Variants in ITPR1 observed in about 807,000 individuals in gnomAD.
The protein encoded by ITPR1 is inositol 1,4,5-trisphosphate-gated calcium channel ITPR1.
Under a neutral mutation model 318.4 loss-of-function variants are expected in ITPR1, and 96 were observed. The observed-to-expected ratio is 0.30, with a 90% confidence interval of 0.26 to 0.36. The LOEUF is 0.36. Among genes scored for constraint, ITPR1 ranks in the 10% least tolerant of loss-of-function variants. The probability of loss-of-function intolerance (pLI) is 1.00; values close to 1 mark genes in which losing one functional copy is unlikely to be tolerated. For synonymous variants in ITPR1, 1,312 were observed against 1,289.9 expected (o/e 1.02, Z -0.37); for missense variants, 2,440 against 3,460.2 (o/e 0.71, Z 7.40).
chr3:4,745,443 C>A (rs1447241788), intron 44 of ITPR1, among the ~76,000 whole-genome samples: 1 of 152,212 alleles, frequency 6.6e-6, no homozygotes, highest in Non-Finnish European at 1.5e-5. Context: ...CTCTGACCGT[C>A]CTACCCCAAA....
intron 59 of ITPR1, among the ~76,000 whole-genome samples, chr3:4,816,680 C>T (rs556202778): frequency 3.3e-5 from 5 of 152,336 alleles, no homozygotes; most frequent in East Asian, 1.9e-4. Flanking sequence ...TGAGCCACTG[C>T]GCCCAGCCGT....
At chr3:4,512,964 C>A (rs539882582) in intron 2 of ITPR1, among the ~76,000 whole-genome samples, 1 of 151,096 alleles carries the variant, frequency 6.6e-6, no homozygotes, top group African/African-American at 2.4e-5. Context: ...GCCGAGCCCT[C>A]GGTGTCTGTA....
rs142778396 is a variant in ITPR1, at chr3:4,804,862, C to T, written c.7108-1241C>T. 2.0e-3 allele frequency among the ~76,000 whole-genome samples: 311 copies of T among 152,206 alleles called. 3 individuals are homozygous for T. The highest frequency in any genetic ancestry group is 7.1e-3 in the African/African-American group (295 of 41,510). On this transcript the variant is annotated intron_variant, in intron 54 of 61. Transcript: ENST00000649015. ...TGATTGCCGAGAAGCTCACTTACAC[C>T]GACCTACCAGATTAACTGGCAGTAT... is the stretch of plus-strand genomic sequence containing the variant.
intron 35 of ITPR1, among the ~76,000 whole-genome samples, chr3:4,702,397 A>G (rs2094674688): frequency 6.6e-6 from 1 of 152,192 alleles, no homozygotes; most frequent in African/African-American, 2.4e-5. Flanking sequence ...CAGTGGATAT[A>G]ATGTCTGGAA....
intron 4 of ITPR1, among the ~76,000 whole-genome samples, chr3:4,586,725 ATTTTTT>A (rs11328041): frequency 7.2e-6 from 1 of 138,548 alleles, no homozygotes; most frequent in Non-Finnish European, 1.6e-5. Context: ...CCCAGGCTGG[ATTTTTT>A]TTTTTTTTTT....
At chr3:4,588,276 C>T (rs1274283503) in intron 4 of ITPR1, among the ~76,000 whole-genome samples, 1 of 152,096 alleles carries the variant, frequency 6.6e-6, no homozygotes, top group Admixed American at 6.5e-5. Flanking sequence ...TAGCTATTAC[C>T]AGAATGCTCT....
chr3:4,715,636 T>C (rs964013835), intron 39 of ITPR1, among the ~76,000 whole-genome samples: 12 of 152,168 alleles, frequency 7.9e-5, no homozygotes, highest in African/African-American at 2.7e-4. Flanking sequence ...GTGGATCACC[T>C]GAGGTCAGGA....
At chr3:4,526,442 A>C (rs1301015976) in intron 4 of ITPR1, among the ~76,000 whole-genome samples, 1 of 152,248 alleles carries the variant, frequency 6.6e-6, no homozygotes, top group Non-Finnish European at 1.5e-5. Context: ...ATTGTGAAAA[A>C]TGAGTGTTGA....
intron 5 of ITPR1, among the ~76,000 whole-genome samples, chr3:4,632,415 G>A (rs986138213): frequency 7.2e-5 from 11 of 152,162 alleles, no homozygotes; most frequent in Non-Finnish European, 1.6e-4. Flanking sequence ...GAATAAAGTG[G>A]GCTTGGTGGG....
chr3:4,559,060 G>A (rs1293131404), intron 4 of ITPR1, among the ~76,000 whole-genome samples: 2 of 151,952 alleles, frequency 1.3e-5, no homozygotes, highest in Non-Finnish European at 2.9e-5. Flanking sequence ...GTCTTGCTAT[G>A]TTGCCTAGGC....
At chr3:4,562,130 TA>T (rs2086740835) in intron 4 of ITPR1, among the ~76,000 whole-genome samples, 1 of 151,882 alleles carries the variant, frequency 6.6e-6, no homozygotes, top group South Asian at 2.1e-4. Flanking sequence ...AAAAATCTCA[TA>T]ATGTTTTAAG....
chr3:4,523,875 C>T (rs7639802), intron 4 of ITPR1, among the ~76,000 whole-genome samples: 15,683 of 152,112 alleles, frequency 0.1, 825 homozygotes, highest in Middle Eastern at 0.15. Flanking sequence ...TGTATGGTGG[C>T]TGATTTGAAG....
rs748081039 is a variant in ITPR1 at position 4,836,883 on chromosome 3, C to T, written c.8138C>T (p.Thr2713Ile). Residue 2713 changes from threonine (T) to isoleucine (I), a missense_variant, in exon 61 of 62, where the codon ACC becomes ATC. By Grantham distance (89) the Thr-to-Ile change is moderately conservative (BLOSUM62 -1). This residue lies in a region of ITPR1 where 63 missense variants were observed against 63.4 expected (regional missense o/e 0.99). Transcript: ENST00000649015. ...AACCTGCAGGAGAAGCTGGAGTCCA[C>T]CATGAAACTTGTCACGAACCTTTCT... ...LRNLQEKLESTMKLVTNLSGQ... is the reference protein window; with the variant it reads ...LRNLQEKLESIMKLVTNLSGQ... 1 of 1,596,982 alleles carries T rather than the reference C, an allele frequency of 6.3e-7. No homozygotes were observed. Among genetic ancestry groups the T allele is most frequent in the Non-Finnish European group, 8.6e-7 (1 of 1,167,824 alleles).
chr3:4,571,931 T>C (rs1464836846), intron 4 of ITPR1, among the ~76,000 whole-genome samples: 2 of 152,154 alleles, frequency 1.3e-5, no homozygotes, highest in African/African-American at 4.8e-5. Context: ...ATTTTAATTG[T>C]ATGCAGTTGT....
Position 4,729,240 on chromosome 3 carries a change from T to G in ITPR1, c.5220+2067T>G, listed in dbSNP as rs141534304. 4.3e-3 allele frequency among the ~76,000 whole-genome samples: 651 copies of G among 152,282 alleles called. 5 individuals are homozygous for G. Among genetic ancestry groups the G allele is most frequent in the African/African-American group, 0.015 (618 of 41,546 alleles). Reference sequence around the variant, plus strand: ...CAAGTTAACCTCCCTGTGCCTCAGTTTCTTCTGCTGTAAAATGGGGGTGAC... The same window carrying G: ...CAAGTTAACCTCCCTGTGCCTCAGTGTCTTCTGCTGTAAAATGGGGGTGAC... On this transcript the variant is annotated intron_variant, in intron 42 of 61. Coordinates refer to ENST00000649015, the MANE Select transcript of ITPR1 (RefSeq NM_001378452.1).
At chr3:4,816,454 C>T (rs186524722) in intron 59 of ITPR1, among the ~76,000 whole-genome samples, 60 of 152,306 alleles carry the variant, frequency 3.9e-4, no homozygotes, top group African/African-American at 1.2e-3. Flanking sequence ...ACTAGTATCT[C>T]GGCTCACTGT....
intron 41 of ITPR1, 149 bp from the exon 42 acceptor site, chr3:4,726,977 G>A (rs1372478069): frequency 8.1e-6 from 5 of 619,924 alleles, no homozygotes; most frequent in African/African-American, 3.7e-5. Flanking sequence ...ATGGATATAC[G>A]GGGGAAAAAC....
chr3:4,810,890 G>T lies in ITPR1; in HGVS notation c.7273-375G>T, dbSNP rs531631992. Among the ~76,000 whole-genome samples the T allele has an allele frequency of 5.9e-5, 9 of 152,316 alleles. No individual in the cohort carries two copies. The East Asian group carries it at 1.7e-3, about 29-fold the overall frequency. ...CTGCAGGAGGGCAGGGACCAGGGTG[G>T]CTGGCTCTTCATAAACTCAATTCAG... On this transcript the variant is annotated intron_variant, in intron 55 of 61. Coordinates refer to ENST00000649015, the MANE Select transcript of ITPR1 (RefSeq NM_001378452.1).
At chr3:4,525,724 C>T (rs991954075) in intron 4 of ITPR1, among the ~76,000 whole-genome samples, 4 of 152,188 alleles carry the variant, frequency 2.6e-5, no homozygotes, top group African/African-American at 9.7e-5. Context: ...TTTGTGTTGT[C>T]TTTGCCCATA....
Sources: allele counts gnomAD v4.1 joint callset (sites outside exome capture counted in the v4.1 genomes callset), GRCh38; gene constraint gnomAD v4.1.1; regional missense constraint gnomAD v4.1.1; transcripts MANE v1.5; gene names NCBI Gene and HGNC (gene_info 2026-07-23, HGNC 2026-07-21).